Variants in ADGRE3 observed in about 807,000 individuals in gnomAD.
ADGRE3 encodes the protein adhesion G protein-coupled receptor E3, also known as EGF-like module receptor 3.
Under a neutral mutation model 80.1 loss-of-function variants are expected in ADGRE3, and 88 were observed. The observed-to-expected ratio is 1.10, with a 90% CI of 0.93 to 1.31. The LOEUF is 1.31. ADGRE3 is among the 40% of genes most tolerant of loss of function. The pLI is 0.00. For missense variants in ADGRE3, 715 were observed against 776.5 expected (o/e 0.92, Z 0.94); for synonymous variants, 281 against 294.8 (o/e 0.95, Z 0.48).
intron 15 of ADGRE3, among the ~76,000 whole-genome samples, chr19:14,625,015 T>C (rs1237339876): frequency 6.6e-6 from 1 of 152,124 alleles, no homozygotes; most frequent in African/African-American, 2.4e-5. Context: ...AGTCTCGCTC[T>C]GTCACCCAGG....
intron 1 of ADGRE3, among the ~76,000 whole-genome samples, chr19:14,669,647 C>A (rs1972199146): frequency 6.6e-6 from 1 of 152,076 alleles, no homozygotes; most frequent in Non-Finnish European, 1.5e-5. Context: ...CACTACCACA[C>A]CTGGCTAATT....
At chr19:14,671,043 C>A (rs868339894) in intron 1 of ADGRE3, among the ~76,000 whole-genome samples, 11 of 152,188 alleles carry the variant, frequency 7.2e-5, no homozygotes, top group Admixed American at 1.3e-4. Flanking sequence ...GTGACTTGGT[C>A]ATTTAGGGCA....
intron 5 of ADGRE3, among the ~76,000 whole-genome samples, chr19:14,657,676 C>T (rs1971806095): frequency 6.6e-6 from 1 of 151,860 alleles, no homozygotes. Context: ...ATGGAACTCA[C>T]TCATGAAAAG....
chr19:14,638,014 G>T (rs1052502287), intron 11 of ADGRE3, 91 bp downstream of exon 11: 2 of 890,646 alleles, frequency 2.2e-6, no homozygotes, highest in Non-Finnish European at 3.7e-6. Context: ...AGAGTGCATT[G>T]GTTACGTATA....
intron 2 of ADGRE3, among the ~76,000 whole-genome samples, chr19:14,666,338 T>G (rs756245367): frequency 2.6e-5 from 4 of 151,344 alleles, no homozygotes; most frequent in Non-Finnish European, 5.9e-5. Flanking sequence ...ATTTCCCTTA[T>G]AATTAGTGAT....
intron 1 of ADGRE3, among the ~76,000 whole-genome samples, chr19:14,674,093 AAG>A (rs889580361): frequency 6.6e-6 from 1 of 152,180 alleles, no homozygotes; most frequent in Non-Finnish European, 1.5e-5. Context: ...AGGGAGAAGA[AAG>A]AATAGCAAGA....
At chr19:14,674,219 G>A (rs1228130428) in intron 1 of ADGRE3, among the ~76,000 whole-genome samples, 2 of 152,032 alleles carry the variant, frequency 1.3e-5, no homozygotes, top group Non-Finnish European at 2.9e-5. Flanking sequence ...ATTAGAGACC[G>A]GGTGCGGTGG....
chr19:14,626,888 A>G (rs903294986), intron 14 of ADGRE3, among the ~76,000 whole-genome samples: 1 of 151,896 alleles, frequency 6.6e-6, no homozygotes, highest in African/African-American at 2.4e-5. Flanking sequence ...AAGGGCCATT[A>G]CTCTTTGGCA....
intron 10 of ADGRE3, among the ~76,000 whole-genome samples, chr19:14,639,729 T>C (rs1971195368): frequency 6.6e-6 from 1 of 152,176 alleles, no homozygotes; most frequent in Non-Finnish European, 1.5e-5. Flanking sequence ...GGGATTATTT[T>C]AAACTGAAGG....
chr19:14,620,407 T>C (rs956224989), intron 15 of ADGRE3, among the ~76,000 whole-genome samples: 1 of 119,594 alleles, frequency 8.4e-6, no homozygotes, highest in Non-Finnish European at 1.8e-5. Flanking sequence ...TATGAATATA[T>C]ATGTATATTC....
chr19:14,604,578 C>T, the ADGRE3 span, among the ~76,000 whole-genome samples: 1 of 152,068 alleles, frequency 6.6e-6, no homozygotes, highest in Non-Finnish European at 1.5e-5. Context: ...GCCTGGCCAA[C>T]ATGGTGAAAC....
chr19:14,616,723 G>A (rs1343737868), downstream of ADGRE3, among the ~76,000 whole-genome samples: 5 of 151,608 alleles, frequency 3.3e-5, no homozygotes, highest in African/African-American at 9.7e-5. Context: ...AAGTTAGATT[G>A]CAGTGGTTGA....
intron 13 of ADGRE3, among the ~76,000 whole-genome samples, chr19:14,632,126 T>C (rs1398900615): frequency 6.6e-6 from 1 of 152,196 alleles, no homozygotes; most frequent in African/African-American, 2.4e-5. Flanking sequence ...AACATTTAAA[T>C]TGGTATATGT....
At chr19:14,672,766 T>C (rs1324441959) in intron 1 of ADGRE3, among the ~76,000 whole-genome samples, 2 of 152,106 alleles carry the variant, frequency 1.3e-5, no homozygotes, top group Non-Finnish European at 2.9e-5. Flanking sequence ...TGTGCCACCA[T>C]GACTGGCTAA....
intron 11 of ADGRE3, among the ~76,000 whole-genome samples, chr19:14,636,012 TCTTCCTTCCTTCCTTCCTTCCTTC>T (rs1169075414): frequency 2.0e-5 from 2 of 99,248 alleles, no homozygotes; most frequent in Admixed American, 1.0e-4. Flanking sequence ...TCTCTTTCTT[TCTTCCTTCCTTCCTTCCTTCCTTC>T]CTTCCTTCCT....
At chr19:14,645,962 AC>A (rs954299610) in intron 8 of ADGRE3, among the ~76,000 whole-genome samples, 1 of 152,140 alleles carries the variant, frequency 6.6e-6, no homozygotes, top group African/African-American at 2.4e-5. Context: ...ACAGAATGAG[AC>A]CCTTTCTCAA....
At chr19:14,662,372 C>T (rs537918809) in intron 3 of ADGRE3, among the ~76,000 whole-genome samples, 14 of 152,202 alleles carry the variant, frequency 9.2e-5, no homozygotes, top group South Asian at 2.1e-4. Context: ...AGGGCAGTCG[C>T]GAAATGAAAC....
In ADGRE3 at chr19:14,668,832, G is replaced by A; in HGVS notation, c.46C>T (p.Leu16Phe). 4.3e-6 allele frequency: 7 copies of A among 1,614,062 alleles called. No individual in the cohort carries two copies. Among genetic ancestry groups the A allele is most frequent in the Non-Finnish European group, 5.9e-6 (7 of 1,180,000 alleles). The change falls in exon 2 of 16, where the codon CTC becomes TTC. Residue 16 changes from leucine to phenylalanine, a missense_variant. By Grantham distance (22) the Leu-to-Phe change is conservative. Transcript: ENST00000253673. ...GTTTTCTGAGTCACAGCTCCAAAGA[G>A]GCTCAGCAGAAAGCAGAGGCCTGGA... is the stretch of plus-strand genomic sequence containing the variant. The part of the protein sequence containing the change: ...LLPGLCFLLS[L>F]FGAVTQKTKT...
Position 14,644,185 on chromosome 19 carries a change from GT to G in ADGRE3, c.972del (p.His325ThrfsTer2). 1 of 1,609,440 alleles carries G rather than the reference GT, an allele frequency of 6.2e-7. No homozygotes were observed. The highest frequency in any genetic ancestry group is 8.5e-7 in the Non-Finnish European group (1 of 1,177,936). ...CACATGGTGTGACTCTTGTTCACGTGTATCAGGAAGCAGCCATCCCTGGACC... is the reference window on the plus strand; with the variant it reads ...CACATGGTGTGACTCTTGTTCACGTGATCAGGAAGCAGCCATCCCTGGACC... ...SQWSRDGCFL[I>X]HVNKSHTMCN... is the part of the protein sequence containing the mutation. On this transcript the variant is annotated frameshift_variant, in exon 9 of 16. Coordinates refer to ENST00000253673, the MANE Select transcript of ADGRE3 (RefSeq NM_032571.5). LOFTEE classifies it high-confidence loss of function.
Sources: allele counts gnomAD v4.1 joint callset (sites outside exome capture counted in the v4.1 genomes callset), GRCh38; gene constraint gnomAD v4.1.1; transcripts MANE v1.5; gene names NCBI Gene and HGNC (gene_info 2026-07-23, HGNC 2026-07-21).